The following NTN1 variants were observed in gnomAD, a reference collection of about 807,000 sequenced individuals.
NTN1 encodes netrin 1.
Under a neutral mutation model 54.2 loss-of-function variants are expected in NTN1, and 11 were observed. The observed-to-expected ratio is 0.20, with a 90% CI of 0.13 to 0.34. NTN1 has a LOEUF of 0.34. NTN1 is among the 10% of genes least tolerant of loss of function. The probability of loss-of-function intolerance (pLI) is 1.00; values close to 1 mark genes in which losing one functional copy is unlikely to be tolerated. For synonymous variants in NTN1, 371 were observed against 382.0 expected (o/e 0.97, Z 0.33); for missense variants, 740 against 893.1 (o/e 0.83, Z 2.18).
At chr17:9,177,308 G>A (rs1177846303) in intron 3 of NTN1, 1 of 152,264 alleles carries the variant, frequency 6.6e-6, no homozygotes, top group South Asian at 2.1e-4. Flanking sequence ...GCAGCTAAGC[G>A]GGTCACCGGC....
At chr17:9,072,348 A>G (rs993603959) in intron 2 of NTN1, among the ~76,000 whole-genome samples, 2 of 150,382 alleles carry the variant, frequency 1.3e-5, no homozygotes, top group African/African-American at 4.9e-5. Flanking sequence ...GCTAACCCTT[A>G]GATGCACTAT....
intron 2 of NTN1, among the ~76,000 whole-genome samples, chr17:9,058,677 G>GA (rs549256572): frequency 9.8e-6 from 1 of 102,422 alleles, no homozygotes; most frequent in Non-Finnish European, 2.1e-5. Context: ...AAAGAAAAAA[G>GA]AAAAAAATAG....
At chr17:9,085,750 G>A (rs540986494) in intron 2 of NTN1, among the ~76,000 whole-genome samples, 247 of 152,294 alleles carry the variant, frequency 1.6e-3, no homozygotes, top group African/African-American at 5.1e-3. Context: ...TCTTATGGCC[G>A]TTTTCATTCA....
chr17:9,049,158 G>A (rs951749395), intron 2 of NTN1, among the ~76,000 whole-genome samples: 1 of 152,136 alleles, frequency 6.6e-6, no homozygotes, highest in African/African-American at 2.4e-5. Context: ...AAAGAATGGT[G>A]AAAATAGAAA....
chr17:9,132,401 C>T (rs547968928), intron 2 of NTN1, among the ~76,000 whole-genome samples: 13 of 152,326 alleles, frequency 8.5e-5, no homozygotes, highest in East Asian at 7.7e-4. Flanking sequence ...ACCCAGCGCA[C>T]ACCTTGTACA....
intron 2 of NTN1, among the ~76,000 whole-genome samples, chr17:9,098,992 A>G (rs2092140762): frequency 6.6e-6 from 1 of 152,188 alleles, no homozygotes; most frequent in Non-Finnish European, 1.5e-5. Context: ...TCCTTTGTAC[A>G]TGAATTTTTT....
chr17:9,042,577 A>G (rs1032899280), intron 2 of NTN1, among the ~76,000 whole-genome samples: 25 of 151,864 alleles, frequency 1.6e-4, no homozygotes, highest in Non-Finnish European at 3.4e-4. Flanking sequence ...TCATGAGGTC[A>G]GGAATTCAAG....
intron 2 of NTN1, among the ~76,000 whole-genome samples, chr17:9,095,212 A>G (rs547520642): frequency 1.3e-4 from 20 of 152,184 alleles, no homozygotes; most frequent in Admixed American, 4.6e-4. Flanking sequence ...TGTTATTTCA[A>G]TTGCAAACAG....
At chr17:9,233,767 C>T (rs562395061) in intron 6 of NTN1, among the ~76,000 whole-genome samples, 1 of 152,058 alleles carries the variant, frequency 6.6e-6, no homozygotes, top group East Asian at 1.9e-4. Flanking sequence ...GAAGGAAGAC[C>T]AGATGCTCAC....
rs369039191 is a variant in NTN1 at position 9,182,852 on chromosome 17, A to G, written c.1358-64A>G. 9.5e-5 allele frequency: 148 copies of G among 1,566,034 alleles called. No homozygotes were observed. In the African/African-American group the frequency reaches 1.6e-3, roughly 17 times the overall value. The stretch of plus-strand genomic sequence containing the variant: ...CTGTGCTGGGCTCATTCTAAAGTCA[A>G]AAAATCATGTCGTCTTACCTTGTTT... On this transcript the variant is annotated intron_variant, in intron 4 of 6. Coordinates refer to ENST00000173229, the MANE Select transcript of NTN1 (RefSeq NM_004822.3).
At chr17:9,210,776 G>A (rs1282941901) in intron 5 of NTN1, among the ~76,000 whole-genome samples, 1 of 151,874 alleles carries the variant, frequency 6.6e-6, no homozygotes, top group East Asian at 1.9e-4. Context: ...CATGATGGCA[G>A]GTGCCTGTAA....
In NTN1 at chr17:9,026,645, TC is replaced by T. The variant is rs200820372; in HGVS notation, c.1018+3260del. Among the ~76,000 whole-genome samples, 880 of 151,836 alleles carry T rather than the reference TC, an allele frequency of 5.8e-3. 7 individuals are homozygous for T. Among genetic ancestry groups the T allele is most frequent in the African/African-American group, 0.02 (843 of 41,324 alleles). ...AAACCACCTGGGTTGCTAGGCCCCT[TC>T]CCCCCTCCCCGCCCTTCCCTTTTTT... On this transcript the variant is annotated intron_variant, in intron 2 of 6. Coordinates refer to ENST00000173229, the MANE Select transcript of NTN1 (RefSeq NM_004822.3).
chr17:9,028,697 G>T (rs1219058736), intron 2 of NTN1, among the ~76,000 whole-genome samples: 1 of 152,200 alleles, frequency 6.6e-6, no homozygotes, highest in Admixed American at 6.5e-5. Flanking sequence ...CTTGAGATGA[G>T]TTGTGCTTTT....
At position 9,103,685 on chromosome 17, in the gene NTN1, A is replaced by G. The variant is rs549336417; in HGVS notation, c.1019-59128A>G. Among the ~76,000 whole-genome samples, 11 of 152,272 alleles carry G rather than the reference A, an allele frequency of 7.2e-5. No individual in the cohort carries two copies. The South Asian group carries it at 2.1e-3, about 29-fold the overall frequency. On this transcript the variant is annotated intron_variant, in intron 2 of 6. Coordinates refer to ENST00000173229, the MANE Select transcript of NTN1 (RefSeq NM_004822.3). Reference sequence around the variant, plus strand: ...GCATGAGAATGGACTAATACAACATACAATGGGATATTACTCAGCCTTAAA... The same window carrying G: ...GCATGAGAATGGACTAATACAACATGCAATGGGATATTACTCAGCCTTAAA...
At chr17:9,079,286 A>G (rs1017289108) in intron 2 of NTN1, among the ~76,000 whole-genome samples, 15 of 152,166 alleles carry the variant, frequency 9.9e-5, no homozygotes. Context: ...GAGCTGCAGC[A>G]ACTTGTGCAT....
At chr17:9,206,771 A>T (rs780797768) in intron 5 of NTN1, among the ~76,000 whole-genome samples, 9 of 152,204 alleles carry the variant, frequency 5.9e-5, no homozygotes, top group South Asian at 4.1e-4. Flanking sequence ...TGGATTTAGG[A>T]TCTGTGTTAT....
intron 5 of NTN1, among the ~76,000 whole-genome samples, chr17:9,202,474 T>C (rs1200713516): frequency 1.3e-5 from 2 of 152,158 alleles, no homozygotes; most frequent in Non-Finnish European, 2.9e-5. Context: ...ACCTGGAGTG[T>C]ATTGAGAATT....
intron 6 of NTN1, among the ~76,000 whole-genome samples, chr17:9,230,637 C>T (rs1243232875): frequency 6.6e-6 from 1 of 151,972 alleles, no homozygotes; most frequent in Non-Finnish European, 1.5e-5. Flanking sequence ...CCGGTGGGGG[C>T]AGGGTGCTGT....
chr17:9,193,331 G>A (rs1904518988), intron 5 of NTN1, among the ~76,000 whole-genome samples: 1 of 152,152 alleles, frequency 6.6e-6, no homozygotes. Context: ...AGGGAGAAAA[G>A]CATGGGGGAC....
Sources: allele counts gnomAD v4.1 joint callset (sites outside exome capture counted in the v4.1 genomes callset), GRCh38; gene constraint gnomAD v4.1.1; transcripts MANE v1.5; gene names NCBI Gene and HGNC (gene_info 2026-07-23, HGNC 2026-07-21).